HHAT: variants seen among roughly 807,000 people sequenced by gnomAD.
HHAT encodes the protein hedgehog acyltransferase.
HHAT carries 47 observed loss-of-function variants against 70.8 expected under a neutral mutation model. That is an observed-to-expected ratio of 0.66 (90% CI 0.53 to 0.85). HHAT has a LOEUF of 0.85. Among genes scored for constraint, HHAT ranks in the 40% least tolerant of loss-of-function variants. The pLI, the probability that HHAT is intolerant of heterozygous loss-of-function variation, is 0.00. For missense variants in HHAT, 609 were observed against 604.8 expected (o/e 1.01, Z -0.07); for synonymous variants, 228 against 247.6 (o/e 0.92, Z 0.74).
At chr1:210,523,169 C>T (rs969515001) in intron 9 of HHAT, among the ~76,000 whole-genome samples, 5 of 152,086 alleles carry the variant, frequency 3.3e-5, no homozygotes, top group South Asian at 2.1e-4. Context: ...TATACAACCC[C>T]GTGTCCTGGG....
At chr1:210,540,481 G>GCA (rs1291380055) in intron 9 of HHAT, among the ~76,000 whole-genome samples, 1 of 96,890 alleles carries the variant, frequency 1.0e-5, no homozygotes, top group Non-Finnish European at 2.8e-5. Flanking sequence ...GCACACACAT[G>GCA]CACACACACG....
intron 8 of HHAT, among the ~76,000 whole-genome samples, chr1:210,512,693 C>CAT (rs2094979311): frequency 6.8e-6 from 1 of 146,328 alleles, no homozygotes; most frequent in Admixed American, 6.8e-5. Flanking sequence ...AAAAAAAACC[C>CAT]ATATATATGT....
At chr1:210,365,464 C>T (rs553568853) in intron 3 of HHAT, among the ~76,000 whole-genome samples, 1 of 151,552 alleles carries the variant, frequency 6.6e-6, no homozygotes, top group African/African-American at 2.4e-5. Flanking sequence ...TTACAGGCAC[C>T]TGCAACCACA....
intron 9 of HHAT, among the ~76,000 whole-genome samples, chr1:210,552,860 C>A (rs1315084723): frequency 6.6e-6 from 1 of 152,200 alleles, no homozygotes; most frequent in East Asian, 1.9e-4. Context: ...GCTTTCTACC[C>A]TCACAGAATG....
In HHAT at chr1:210,355,137, A is replaced by G. The variant is rs561338231; in HGVS notation, c.91+6071A>G. Among the ~76,000 whole-genome samples, 6 of 152,248 alleles carry G rather than the reference A, an allele frequency of 3.9e-5. No individual in the cohort carries two copies. In the East Asian group the frequency reaches 1.2e-3, roughly 29 times the overall value. ...TAGCTGATTATTTCTGATCTACACT[A>G]AAGGTATTTATTTTGGTTTATGTAT... On this transcript the variant is annotated intron_variant, in intron 2 of 11. Coordinates refer to ENST00000261458, the MANE Select transcript of HHAT (RefSeq NM_018194.6).
chr1:210,455,840 A>G (rs1057042175), intron 7 of HHAT, among the ~76,000 whole-genome samples: 1 of 152,014 alleles, frequency 6.6e-6, no homozygotes, highest in Non-Finnish European at 1.5e-5. Context: ...TGAATTTGGT[A>G]TTTTTATTAT....
intron 5 of HHAT, among the ~76,000 whole-genome samples, chr1:210,402,952 A>G (rs1360390213): frequency 1.3e-5 from 2 of 152,216 alleles, no homozygotes; most frequent in Non-Finnish European, 2.9e-5. Context: ...CTGAAGCTGG[A>G]GCAGTCATTT....
intron 10 of HHAT, among the ~76,000 whole-genome samples, chr1:210,607,236 A>G (rs905892683): frequency 2.0e-5 from 3 of 152,042 alleles, no homozygotes; most frequent in Non-Finnish European, 2.9e-5. Flanking sequence ...CAAATCTGCT[A>G]ATTCTTTAAT....
chr1:210,569,478 A>G (rs1004341148), intron 9 of HHAT, among the ~76,000 whole-genome samples: 2 of 149,472 alleles, frequency 1.3e-5, no homozygotes, highest in East Asian at 3.9e-4. Context: ...ATGTACCTAC[A>G]TGTCTTTTTG....
At chr1:210,344,863 C>G (rs534033109) in intron 1 of HHAT, among the ~76,000 whole-genome samples, 56 of 152,270 alleles carry the variant, frequency 3.7e-4, no homozygotes, top group African/African-American at 1.3e-3. Context: ...CCAGCCCGTT[C>G]ACAAGATGGA....
chr1:210,674,668 G>C lies in HHAT; in HGVS notation c.*289G>C, dbSNP rs1033404292. ...CTACACAGGGTGACATTTTGGTCTA[G>C]AACCTAGTCTCATGAGCCCTTTGCA... On this transcript the variant is annotated 3_prime_UTR_variant, in exon 12 of 12. Coordinates refer to ENST00000261458, the MANE Select transcript of HHAT (RefSeq NM_018194.6). 1.5e-4 allele frequency: 51 copies of C among 346,704 alleles called. No individual in the cohort carries two copies. Among genetic ancestry groups the C allele is most frequent in the African/African-American group, 1.0e-3 (48 of 47,892 alleles). 21.5% of individuals were successfully genotyped at this position (346,704 alleles called of 1,614,324 possible).
At chr1:210,514,744 G>T (rs978800978) in intron 9 of HHAT, among the ~76,000 whole-genome samples, 1 of 152,202 alleles carries the variant, frequency 6.6e-6, no homozygotes, top group Non-Finnish European at 1.5e-5. Context: ...AAGCTGTACA[G>T]TCATTTATTC....
At chr1:210,475,161 C>T (rs1031997547) in intron 8 of HHAT, among the ~76,000 whole-genome samples, 2 of 152,058 alleles carry the variant, frequency 1.3e-5, no homozygotes, top group Admixed American at 6.6e-5. Context: ...GTGCCGAGCT[C>T]ACCCCAGTTC....
chr1:210,349,175 T>TG, intron 2 of HHAT, 109 bp downstream of exon 2: 2 of 1,169,480 alleles, frequency 1.7e-6, no homozygotes, highest in Non-Finnish European at 1.2e-6. Flanking sequence ...CAAGATGATG[T>TG]GGGCCTTGAT....
At chr1:210,580,496 C>T (rs1326305385) in intron 9 of HHAT, among the ~76,000 whole-genome samples, 15 of 126,514 alleles carry the variant, frequency 1.2e-4, no homozygotes, top group East Asian at 2.8e-4. Context: ...CCCCCACCCC[C>T]CACCCCCCAG....
intron 11 of HHAT, among the ~76,000 whole-genome samples, chr1:210,656,411 C>A (rs996075570): frequency 2.0e-5 from 3 of 152,158 alleles, no homozygotes; most frequent in Non-Finnish European, 2.9e-5. Flanking sequence ...ACATACCCCC[C>A]CCGTCCCCCT....
intron 9 of HHAT, among the ~76,000 whole-genome samples, chr1:210,517,153 AT>A (rs2095070773): frequency 6.6e-6 from 1 of 152,204 alleles, no homozygotes; most frequent in Admixed American, 6.5e-5. Flanking sequence ...GGGGAAAGAG[AT>A]TACAGAATAA....
intron 10 of HHAT, among the ~76,000 whole-genome samples, chr1:210,604,347 A>G (rs904938515): frequency 3.3e-5 from 5 of 151,952 alleles, no homozygotes; most frequent in African/African-American, 1.2e-4. Flanking sequence ...CGGCCTCCCA[A>G]AGTGCTGGGA....
chr1:210,565,291 C>T (rs1472249884), intron 9 of HHAT, among the ~76,000 whole-genome samples: 1 of 152,208 alleles, frequency 6.6e-6, no homozygotes. Flanking sequence ...TAGATGCAAG[C>T]TCTGCTGTGA....
Sources: allele counts gnomAD v4.1 joint callset (sites outside exome capture counted in the v4.1 genomes callset), GRCh38; gene constraint gnomAD v4.1.1; transcripts MANE v1.5; gene names NCBI Gene and HGNC (gene_info 2026-07-23, HGNC 2026-07-21).